The following KCNIP4 variants were observed in gnomAD, a reference collection of about 807,000 sequenced individuals.
KCNIP4 encodes the protein Kv channel-interacting protein 4.
In KCNIP4, 12 loss-of-function variants were observed where a neutral mutation model predicts 34.0. That is an observed-to-expected ratio of 0.35 (90% confidence interval 0.23 to 0.57). The LOEUF (loss-of-function observed/expected upper bound fraction) is 0.57. Among genes scored for constraint, KCNIP4 ranks in the 20% least tolerant of loss-of-function variants. The probability of loss-of-function intolerance (pLI) is 0.83; values close to 1 mark genes in which losing one functional copy is unlikely to be tolerated. For missense variants in KCNIP4, 238 were observed against 311.7 expected (o/e 0.76, Z 1.78); for synonymous variants, 124 against 102.2 (o/e 1.21, Z -1.29).
At chr4:21,073,937 G>A (rs1046175552) in intron 1 of KCNIP4, among the ~76,000 whole-genome samples, 33 of 152,180 alleles carry the variant, frequency 2.2e-4, no homozygotes, top group Admixed American at 1.6e-3. Flanking sequence ...GCTGGATTAC[G>A]TTTATTGATT....
chr4:21,806,070 A>T (rs1721272973), intron 1 of KCNIP4, among the ~76,000 whole-genome samples: 1 of 152,200 alleles, frequency 6.6e-6, no homozygotes, highest in African/African-American at 2.4e-5. Flanking sequence ...GACACTAATA[A>T]AACAGCATGG....
intron 1 of KCNIP4, among the ~76,000 whole-genome samples, chr4:20,994,507 A>G (rs372385742): frequency 3.3e-5 from 5 of 152,340 alleles, no homozygotes; most frequent in African/African-American, 1.2e-4. Flanking sequence ...GTACATTTCA[A>G]AATATTAAAA....
Position 21,530,205 on chromosome 4 carries a change from G to A in KCNIP4, c.61+418366C>T, listed in dbSNP as rs141026147. 4.6e-3 allele frequency among the ~76,000 whole-genome samples: 705 copies of A among 152,170 alleles called. 8 individuals carry two copies. Among genetic ancestry groups the A allele is most frequent in the African/African-American group, 0.016 (661 of 41,514 alleles). The stretch of plus-strand genomic sequence containing the variant: ...TCAATGAATATTCCGGATCAAATGT[G>A]TTTCTCCTTATAATTTTTGGTGGCA... On this transcript the variant is annotated intron_variant, in intron 1 of 8. Transcript: ENST00000382152.
At chr4:21,489,019 A>G (rs967023969) in intron 1 of KCNIP4, among the ~76,000 whole-genome samples, 1 of 152,170 alleles carries the variant, frequency 6.6e-6, no homozygotes, top group Non-Finnish European at 1.5e-5. Context: ...TAAGCATTGA[A>G]GAATGTTTTT....
chr4:21,429,880 A>G lies in KCNIP4; in HGVS notation c.61+518691T>C, dbSNP rs760265542. Among the ~76,000 whole-genome samples the G allele has an allele frequency of 2.6e-5, 4 of 152,278 alleles. No individual in the cohort carries two copies. In the East Asian group the frequency reaches 7.7e-4, roughly 29 times the overall value. Reference sequence around the variant, plus strand: ...CTTTTCTTTCAATACAACTGTGTCCAATGTAACATTAATTAAGCATTTTTA... The same window carrying G: ...CTTTTCTTTCAATACAACTGTGTCCGATGTAACATTAATTAAGCATTTTTA... On this transcript the variant is annotated intron_variant, in intron 1 of 8. Coordinates refer to ENST00000382152, the MANE Select transcript of KCNIP4 (RefSeq NM_025221.6).
At chr4:20,951,716 C>T (rs1732806433) in intron 1 of KCNIP4, among the ~76,000 whole-genome samples, 1 of 152,128 alleles carries the variant, frequency 6.6e-6, no homozygotes, top group South Asian at 2.1e-4. Flanking sequence ...CTGGACTACT[C>T]TGTTTTACTG....
At chr4:21,395,909 A>T (rs775916371) in intron 1 of KCNIP4, among the ~76,000 whole-genome samples, 6 of 152,100 alleles carry the variant, frequency 3.9e-5, no homozygotes, top group Admixed American at 1.3e-4. Flanking sequence ...TTTGGGTCTC[A>T]TCTCATCCAA....
In KCNIP4 at chr4:21,699,271, T is replaced by A. The variant is rs554485187; in HGVS notation, c.61+249300A>T. On this transcript the variant is annotated intron_variant, in intron 1 of 8. Transcript: ENST00000382152. ...TAAGCACAGCACTTTTATTCATAGATGTAGCAATTCTATACTGAACACCTA... is the reference window on the plus strand; with the variant it reads ...TAAGCACAGCACTTTTATTCATAGAAGTAGCAATTCTATACTGAACACCTA... Among the ~76,000 whole-genome samples, 23 of 152,320 alleles carry A rather than the reference T, an allele frequency of 1.5e-4. No individual in the cohort carries two copies. The South Asian group carries it at 4.4e-3, about 29-fold the overall frequency.
At chr4:21,738,440 T>C (rs1716163373) in intron 1 of KCNIP4, among the ~76,000 whole-genome samples, 1 of 152,194 alleles carries the variant, frequency 6.6e-6, no homozygotes. Flanking sequence ...AACTTAAGCC[T>C]AAACAAAAAT....
At chr4:20,991,960 C>T (rs1737118854) in intron 1 of KCNIP4, among the ~76,000 whole-genome samples, 1 of 152,218 alleles carries the variant, frequency 6.6e-6, no homozygotes, top group African/African-American at 2.4e-5. Context: ...GTCCTCAGAG[C>T]TGCGTAAGCT....
At chr4:20,762,204 A>C (rs373419315) in intron 3 of KCNIP4, among the ~76,000 whole-genome samples, 44 of 152,166 alleles carry the variant, frequency 2.9e-4, no homozygotes, top group Non-Finnish European at 4.4e-4. Context: ...GTGTTCCCAC[A>C]TAGTGGAAGG....
chr4:21,397,016 C>T (rs924486532), intron 1 of KCNIP4, among the ~76,000 whole-genome samples: 4 of 152,052 alleles, frequency 2.6e-5, no homozygotes, highest in Non-Finnish European at 4.4e-5. Flanking sequence ...ACATCTTTTC[C>T]CAGTGGGGAA....
chr4:21,790,996 GTT>G (rs1720248865), intron 1 of KCNIP4, among the ~76,000 whole-genome samples: 1 of 86,178 alleles, frequency 1.2e-5, no homozygotes, highest in South Asian at 4.2e-4. Flanking sequence ...AAAAAAAAAA[GTT>G]ATATCTTGGA....
At chr4:21,291,926 AGAAAG>A (rs1763537539) in intron 1 of KCNIP4, among the ~76,000 whole-genome samples, 4 of 93,994 alleles carry the variant, frequency 4.3e-5, no homozygotes, top group Admixed American at 1.0e-4. Flanking sequence ...AAAGAAAGAA[AGAAAG>A]AAAGAAAAAA....
intron 1 of KCNIP4, among the ~76,000 whole-genome samples, chr4:21,740,515 GAGA>G (rs1342791786): frequency 6.6e-6 from 1 of 151,970 alleles, no homozygotes; most frequent in African/African-American, 2.4e-5. Flanking sequence ...TAAGCAATCA[GAGA>G]AGGAGCCCCC....
At chr4:20,775,833 G>A (rs73110259) in intron 3 of KCNIP4, among the ~76,000 whole-genome samples, 14,442 of 152,098 alleles carry the variant, frequency 0.095, 987 homozygotes, top group African/African-American at 0.2. Flanking sequence ...TTATCTTAGG[G>A]GCTAAGTATC....
intron 1 of KCNIP4, among the ~76,000 whole-genome samples, chr4:21,759,385 C>T (rs901427261): frequency 2.6e-5 from 4 of 152,114 alleles, no homozygotes; most frequent in Non-Finnish European, 4.4e-5. Flanking sequence ...GTGTCCTTAA[C>T]AAATCACAAA....
chr4:21,722,657 A>C (rs1204081046), intron 1 of KCNIP4, among the ~76,000 whole-genome samples: 1 of 152,148 alleles, frequency 6.6e-6, no homozygotes, highest in Non-Finnish European at 1.5e-5. Flanking sequence ...AAATTATAAA[A>C]GCAAATTTGG....
At chr4:20,889,761 GA>G (rs1725707242) in intron 1 of KCNIP4, among the ~76,000 whole-genome samples, 1 of 111,354 alleles carries the variant, frequency 9.0e-6, no homozygotes, top group Admixed American at 9.6e-5. Flanking sequence ...ATAAAAACTG[GA>G]AGTTCAAAAA....
Sources: gnomAD v4.1 joint callset for allele counts (sites outside exome capture counted in the v4.1 genomes callset) on GRCh38, gnomAD v4.1.1 for gene constraint, MANE v1.5 for transcripts, NCBI Gene and HGNC (gene_info 2026-07-23, HGNC 2026-07-21) for gene names.